DMD: variants seen among roughly 807,000 people sequenced by gnomAD.
DMD encodes dystrophin.
A neutral mutation model predicts 330.1 loss-of-function variants in DMD; 63 were observed. That is an observed-to-expected ratio of 0.19 (90% CI 0.16 to 0.24). The LOEUF is 0.24. Among genes scored for constraint, DMD ranks in the 10% least tolerant of loss-of-function variants. The pLI is 1.00. For missense variants in DMD, 3,344 were observed against 2,684.1 expected (o/e 1.25, Z -5.43); for synonymous variants, 1,223 against 959.8 (o/e 1.27, Z -5.07).
intron 1 of DMD, among the ~76,000 whole-genome samples, chrX:33,158,202 G>A (rs185289320): frequency 8.9e-6 from 1 of 111,797 alleles, no homozygotes; most frequent in Admixed American, 9.6e-5. Context: ...GTATATTTCT[G>A]TATCATATTT....
intron 41 of DMD, among the ~76,000 whole-genome samples, chrX:32,324,183 G>T (rs2097637881): frequency 9.0e-6 from 1 of 111,393 alleles, no homozygotes; most frequent in African/African-American, 3.3e-5. Context: ...AAATACTTGA[G>T]ATGATGGATA....
Position 31,328,679 on chromosome X carries a change from A to T in DMD, c.9164-5021T>A, listed in dbSNP as rs1477201139. 2.7e-5 allele frequency among the ~76,000 whole-genome samples: 3 copies of T among 110,655 alleles called. No individual in the cohort carries two copies. The Admixed American group carries it at 2.8e-4, about 11-fold the overall frequency. The stretch of plus-strand genomic sequence containing the variant: ...CCTGCCTAAGCCTTATTTTCCTTAT[A>T]TTCCAATGGGAATAATGATATCTCC... On this transcript the variant is annotated intron_variant, in intron 61 of 78. Coordinates refer to ENST00000357033, the MANE Select transcript of DMD (RefSeq NM_004006.3).
rs192004650 is a variant in DMD at position 32,435,182 on chromosome X, A to C, written c.4071+3059T>G. 8.6e-3 allele frequency among the ~76,000 whole-genome samples: 891 copies of C among 103,590 alleles called. 10 individuals carry two copies. The highest frequency in any genetic ancestry group is 0.029 in the African/African-American group (850 of 28,867). The allele number at this position is 103,590 out of a possible 115,157, so 90.0% of individuals were successfully genotyped here. ...TTATATTTCATATTGCACTATCTGC[A>C]TTTATTTACCAATCACTGCCCTCAG... On this transcript the variant is annotated intron_variant, in intron 29 of 78. Coordinates refer to ENST00000357033, the MANE Select transcript of DMD (RefSeq NM_004006.3).
intron 50 of DMD, among the ~76,000 whole-genome samples, chrX:31,794,717 T>C (rs2091742670): frequency 9.3e-6 from 1 of 107,155 alleles, no homozygotes; most frequent in African/African-American, 3.4e-5. Context: ...AGCTAGTTCC[T>C]CTTTTTTTTT....
intron 29 of DMD, among the ~76,000 whole-genome samples, chrX:32,414,607 G>A (rs2098159188): frequency 8.9e-6 from 1 of 111,837 alleles, no homozygotes; most frequent in African/African-American, 3.3e-5. Context: ...CTTTATTTAT[G>A]ACTGGGTGAA....
chrX:33,281,680 T>C (rs778142172), intron 1 of DMD, among the ~76,000 whole-genome samples: 3 of 111,091 alleles, frequency 2.7e-5, no homozygotes, highest in Non-Finnish European at 5.6e-5. Context: ...ATGCAGAATC[T>C]GGATCTTATT....
At chrX:31,353,169 A>C (rs2058511488) in intron 60 of DMD, among the ~76,000 whole-genome samples, 1 of 110,744 alleles carries the variant, frequency 9.0e-6, no homozygotes, top group African/African-American at 3.3e-5. Flanking sequence ...AAGCTGAAGA[A>C]AGGCTTGGGG....
chrX:32,286,131 T>A (rs1446119021), intron 43 of DMD, among the ~76,000 whole-genome samples: 1 of 111,188 alleles, frequency 9.0e-6, no homozygotes, highest in East Asian at 2.8e-4. Context: ...CCTGAGCATA[T>A]AACACAAATA....
chrX:32,279,673 T>TTG (rs1557260828), intron 43 of DMD, among the ~76,000 whole-genome samples: 1 of 92,107 alleles, frequency 1.1e-5, no homozygotes, highest in Non-Finnish European at 2.2e-5. Context: ...TGAAGGGTAG[T>TTG]GGGGGGGTTG....
At chrX:31,709,580 C>CTGTG (rs1242215099) in intron 52 of DMD, among the ~76,000 whole-genome samples, 5 of 79,423 alleles carry the variant, frequency 6.3e-5, no homozygotes, top group East Asian at 4.0e-4. Context: ...CTCTCTCTCT[C>CTGTG]TGTCTGTGTG....
chrX:33,267,345 T>C (rs1017501096), intron 1 of DMD, among the ~76,000 whole-genome samples: 17 of 110,851 alleles, frequency 1.5e-4, no homozygotes, highest in Non-Finnish European at 2.6e-4. Context: ...TTAAAAAACA[T>C]TGTTGAAAGA....
chrX:32,667,207 C>G (rs1368754100), intron 9 of DMD, among the ~76,000 whole-genome samples: 1 of 111,495 alleles, frequency 9.0e-6, no homozygotes, highest in Non-Finnish European at 1.9e-5. Flanking sequence ...GCGTAGAAAT[C>G]ACCCTACATT....
chrX:32,706,758 A>C (rs2064703614), intron 7 of DMD, among the ~76,000 whole-genome samples: 1 of 111,429 alleles, frequency 9.0e-6, no homozygotes, highest in Non-Finnish European at 1.9e-5. Flanking sequence ...CATGCAGCCA[A>C]TCCAGTAAAT....
chrX:33,206,586 G>T (rs897417885), intron 1 of DMD, among the ~76,000 whole-genome samples: 5 of 111,528 alleles, frequency 4.5e-5, no homozygotes, highest in African/African-American at 1.6e-4. Flanking sequence ...TTTTCTCAGG[G>T]CTTACTATCA....
chrX:32,472,745 C>G (rs1415878386), intron 21 of DMD, among the ~76,000 whole-genome samples: 1 of 111,072 alleles, frequency 9.0e-6, no homozygotes, highest in Non-Finnish European at 1.9e-5. Flanking sequence ...GTATCATTAT[C>G]CGAAGACCTT....
chrX:32,422,443 A>G (rs148581064), intron 29 of DMD, among the ~76,000 whole-genome samples: 12 of 111,870 alleles, frequency 1.1e-4, no homozygotes, highest in Non-Finnish European at 1.5e-4. Context: ...GAAGTTAGAA[A>G]GAAAAGATGT....
intron 60 of DMD, among the ~76,000 whole-genome samples, chrX:31,422,509 G>A (rs1486305629): frequency 8.9e-6 from 1 of 111,988 alleles, no homozygotes; most frequent in East Asian, 2.8e-4. Flanking sequence ...GACTCTAGAA[G>A]TGTTTAAAAC....
intron 59 of DMD, among the ~76,000 whole-genome samples, chrX:31,474,605 G>A (rs1186931870): frequency 9.3e-6 from 1 of 107,398 alleles, no homozygotes; most frequent in Non-Finnish European, 1.9e-5. Context: ...AGCTATTTGG[G>A]AGGCTGAGGC....
At chrX:32,370,332 C>A (rs1603631867) in intron 34 of DMD, among the ~76,000 whole-genome samples, 1 of 108,886 alleles carries the variant, frequency 9.2e-6, no homozygotes, top group African/African-American at 3.3e-5. Flanking sequence ...TTTACAGCCC[C>A]CAAAATTACT....
Sources: gnomAD v4.1 joint callset for allele counts (sites outside exome capture counted in the v4.1 genomes callset) on GRCh38, gnomAD v4.1.1 for gene constraint, MANE v1.5 for transcripts, NCBI Gene and HGNC (gene_info 2026-07-23, HGNC 2026-07-21) for gene names.